The following WWOX variants were observed in gnomAD, a reference collection of about 807,000 sequenced individuals.
The protein encoded by WWOX is WW domain containing oxidoreductase.
A neutral mutation model predicts 46.2 loss-of-function variants in WWOX; 69 were observed. The ratio of observed to expected loss-of-function variants is 1.49; its 90% CI spans 1.23 to 1.82. The LOEUF (loss-of-function observed/expected upper bound fraction) is 1.82. Ranked by LOEUF, WWOX falls within the 40% of genes most tolerant of loss-of-function variation. The probability of loss-of-function intolerance (pLI) is 0.00; values close to 1 mark genes in which losing one functional copy is unlikely to be tolerated. For missense variants in WWOX, 919 were observed against 542.6 expected, an observed-to-expected ratio of 1.69 and a Z score of -6.89; for synonymous variants, 359 against 202.6, an observed-to-expected ratio of 1.77 and a Z score of -6.56.
chr16:78,822,362 C>T (rs1289556869), intron 8 of WWOX, among the ~76,000 whole-genome samples: 1 of 152,094 alleles, frequency 6.6e-6, no homozygotes, highest in Non-Finnish European at 1.5e-5. Context: ...GGTGTGGTGG[C>T]ATGTGCCTGT....
intron 8 of WWOX, among the ~76,000 whole-genome samples, chr16:79,070,889 T>TA (rs1228518115): frequency 6.6e-6 from 1 of 152,184 alleles, no homozygotes; most frequent in African/African-American, 2.4e-5. Context: ...CCACAGAAAC[T>TA]TTTTGAAGTA....
chr16:78,666,783 T>C (rs537879341), intron 8 of WWOX, among the ~76,000 whole-genome samples: 3 of 152,290 alleles, frequency 2.0e-5, no homozygotes, highest in Admixed American at 6.5e-5. Flanking sequence ...AGATTAGTGA[T>C]TGAAAGGAGG....
Position 79,211,721 on chromosome 16 carries a change from C to T in WWOX, c.1170C>T (p.Ser390=), listed in dbSNP as rs372635911. 5.8e-5 allele frequency: 94 copies of T among 1,614,068 alleles called. No individual in the cohort carries two copies. Among genetic ancestry groups the T allele is most frequent in the African/African-American group, 3.5e-4 (26 of 74,940 alleles). The change falls in exon 9 of 9, where the codon AGC becomes AGT. Residue 390 remains serine, a synonymous_variant. Transcript: ENST00000566780. The part of the protein sequence containing the change: ...CRCMPSPEAQ[S]EETARTLWAL... Reference sequence around the variant, plus strand: ...GCATGCCCTCACCAGAAGCTCAGAGCGAAGAGACGGCCCGGACCCTGTGGG... The same window carrying T: ...GCATGCCCTCACCAGAAGCTCAGAGTGAAGAGACGGCCCGGACCCTGTGGG...
At chr16:79,144,163 G>C (rs572832723) in intron 8 of WWOX, among the ~76,000 whole-genome samples, 1 of 152,276 alleles carries the variant, frequency 6.6e-6, no homozygotes, top group African/African-American at 2.4e-5. Flanking sequence ...GCCTCCCAAA[G>C]TGTGGAGATT....
At chr16:78,188,790 G>A (rs547942118) in intron 5 of WWOX, among the ~76,000 whole-genome samples, 1 of 152,252 alleles carries the variant, frequency 6.6e-6, no homozygotes, top group African/African-American at 2.4e-5. Flanking sequence ...CAGGCCTTTT[G>A]AAATCGTATC....
At position 78,773,172 on chromosome 16, in the gene WWOX, G is replaced by T. The variant is rs7198930; in HGVS notation, c.1056+340420G>T. 5.5e-3 allele frequency among the ~76,000 whole-genome samples: 843 copies of T among 152,192 alleles called. 1 individual carries two copies. Among genetic ancestry groups the T allele is most frequent in the Middle Eastern group, 0.01 (3 of 294 alleles). On this transcript the variant is annotated intron_variant, in intron 8 of 8. Transcript: ENST00000566780. Reference sequence around the variant, plus strand: ...GACGATTTTGTCGGTATCCTAAGCCGCTAGAACAGTGCCTAAACATTTGTT... The same window carrying T: ...GACGATTTTGTCGGTATCCTAAGCCTCTAGAACAGTGCCTAAACATTTGTT...
At position 78,871,087 on chromosome 16, in the gene WWOX, A is replaced by G. The variant is rs557442474; in HGVS notation, c.1057-340521A>G. On this transcript the variant is annotated intron_variant, in intron 8 of 8. Transcript: ENST00000566780. ...TTATCCCCTATAGCTCATAGAAGCAATTCAGTAAATACTTGTTGAATATCA... is the reference window on the plus strand; with the variant it reads ...TTATCCCCTATAGCTCATAGAAGCAGTTCAGTAAATACTTGTTGAATATCA... 1.6e-3 allele frequency among the ~76,000 whole-genome samples: 248 copies of G among 152,312 alleles called. 1 individual carries two copies. The highest frequency in any genetic ancestry group is 5.7e-3 in the African/African-American group (239 of 41,574).
At chr16:78,156,967 C>G (rs147971631) in intron 4 of WWOX, among the ~76,000 whole-genome samples, 19 of 152,290 alleles carry the variant, frequency 1.2e-4, no homozygotes, top group African/African-American at 4.3e-4. Context: ...GTTCTGGAAC[C>G]TGCCTGGCCT....
intron 8 of WWOX, among the ~76,000 whole-genome samples, chr16:78,467,585 C>G (rs913837765): frequency 5.3e-5 from 8 of 152,104 alleles, no homozygotes. Context: ...ACTTTGAAAA[C>G]TCGGGGATAA....
In WWOX at chr16:79,212,008, GC is replaced by G; in HGVS notation, c.*213del. ...TATCACTTTTCTGGGGCTGGGCTAG[GC>G]ATAGGTCTCTTTGCTTTCTGGTGGT... On this transcript the variant is annotated 3_prime_UTR_variant, in exon 9 of 9. Coordinates refer to ENST00000566780, the MANE Select transcript of WWOX (RefSeq NM_016373.4). 1.3e-6 allele frequency: 2 copies of G among 1,536,260 alleles called. No individual in the cohort carries two copies. Among genetic ancestry groups the G allele is most frequent in the Non-Finnish European group, 1.7e-6 (2 of 1,146,920 alleles).
chr16:79,182,633 G>C (rs1244472527), intron 8 of WWOX, among the ~76,000 whole-genome samples: 1 of 152,052 alleles, frequency 6.6e-6, no homozygotes, highest in African/African-American at 2.4e-5. Context: ...AGAAGGCCTG[G>C]GTTCAAATCC....
chr16:79,057,649 G>C (rs2048287753), intron 8 of WWOX, among the ~76,000 whole-genome samples: 1 of 152,084 alleles, frequency 6.6e-6, no homozygotes, highest in African/African-American at 2.4e-5. Context: ...TCAAGGTCCT[G>C]ATAAATGGGA....
intron 5 of WWOX, among the ~76,000 whole-genome samples, chr16:78,250,323 T>C (rs2037950675): frequency 6.6e-6 from 1 of 152,166 alleles, no homozygotes; most frequent in African/African-American, 2.4e-5. Context: ...TTAACTCTGC[T>C]CCTTTCTAGC....
chr16:78,705,082 GAGTT>G lies in WWOX; in HGVS notation c.1056+272336_1056+272339del, dbSNP rs1424537457. On this transcript the variant is annotated intron_variant, in intron 8 of 8. Transcript: ENST00000566780. ...CTGAAAATGAGCTGCCTGGTTTATTGAGTTAGTTATTCCTTTTTAGTGCCGCAGT... is the reference window on the plus strand; with the variant it reads ...CTGAAAATGAGCTGCCTGGTTTATTGAGTTATTCCTTTTTAGTGCCGCAGT... Among the ~76,000 whole-genome samples, 4 of 152,222 alleles carry G rather than the reference GAGTT, an allele frequency of 2.6e-5. No homozygotes were observed. In the South Asian group the frequency reaches 8.3e-4, roughly 32 times the overall value.
At chr16:79,208,845 T>A (rs541953999) in intron 8 of WWOX, among the ~76,000 whole-genome samples, 1 of 152,272 alleles carries the variant, frequency 6.6e-6, no homozygotes, top group Non-Finnish European at 1.5e-5. Context: ...GGCTGAAAAT[T>A]CTCCAAGAGA....
chr16:79,191,583 A>C (rs956218098), intron 8 of WWOX, among the ~76,000 whole-genome samples: 1 of 152,206 alleles, frequency 6.6e-6, no homozygotes, highest in South Asian at 2.1e-4. Context: ...GTTTTTCTCA[A>C]TTACTGATGA....
intron 5 of WWOX, among the ~76,000 whole-genome samples, chr16:78,266,315 G>T (rs906591399): frequency 6.6e-6 from 1 of 152,210 alleles, no homozygotes; most frequent in African/African-American, 2.4e-5. Context: ...ATCTGAAGTA[G>T]TTTTATTGGA....
chr16:78,167,597 C>G (rs574184549), intron 5 of WWOX: 12 of 152,214 alleles, frequency 7.9e-5, no homozygotes, highest in Non-Finnish European at 1.5e-4. Flanking sequence ...AGAAACTCAA[C>G]CTGTTCATCA....
chr16:79,093,035 A>G (rs1383264737), intron 8 of WWOX, among the ~76,000 whole-genome samples: 1 of 152,242 alleles, frequency 6.6e-6, no homozygotes, highest in East Asian at 1.9e-4. Context: ...CTTTTGCACC[A>G]CTACTTTTTA....
Sources: gnomAD v4.1 joint callset for allele counts (sites outside exome capture counted in the v4.1 genomes callset) on GRCh38, gnomAD v4.1.1 for gene constraint, MANE v1.5 for transcripts, NCBI Gene and HGNC (gene_info 2026-07-23, HGNC 2026-07-21) for gene names.